NPSR1: variants seen among roughly 807,000 people sequenced by gnomAD.
The protein encoded by NPSR1 is neuropeptide S receptor 1, also known as neuropeptide S receptor.
In NPSR1, 48 loss-of-function variants were observed where a neutral mutation model predicts 46.9. The ratio of observed to expected loss-of-function variants is 1.02; its 90% confidence interval spans 0.81 to 1.30. NPSR1 has a LOEUF of 1.30. Among genes scored for constraint, NPSR1 ranks in the 50% most tolerant of loss-of-function variants. The pLI is 0.00. For missense variants in NPSR1, 450 were observed against 449.5 expected, an observed-to-expected ratio of 1.00 and a Z score of -0.01; for synonymous variants, 176 against 168.1, an observed-to-expected ratio of 1.05 and a Z score of -0.36.
chr7:34,706,700 A>G (rs1038796492), intron 2 of NPSR1, among the ~76,000 whole-genome samples: 1 of 152,134 alleles, frequency 6.6e-6, no homozygotes, highest in African/African-American at 2.4e-5. Context: ...CCCAAAATGT[A>G]AAAAGAATGC....
intron 2 of NPSR1, among the ~76,000 whole-genome samples, chr7:34,725,130 C>G (rs376244172): frequency 6.6e-6 from 1 of 151,400 alleles, no homozygotes; most frequent in African/African-American, 2.4e-5. Context: ...CACACAGACA[C>G]ACACACACAC....
chr7:34,695,660 C>T (rs1300083210), intron 2 of NPSR1, among the ~76,000 whole-genome samples: 1 of 152,044 alleles, frequency 6.6e-6, no homozygotes, highest in Non-Finnish European at 1.5e-5. Context: ...ACAGACATTT[C>T]TCAAAATTAG....
At chr7:34,792,698 T>C (rs1464423509) in intron 3 of NPSR1, among the ~76,000 whole-genome samples, 1 of 114,706 alleles carries the variant, frequency 8.7e-6, no homozygotes, top group East Asian at 2.5e-4. Flanking sequence ...TGTATATATA[T>C]ACGTATATAT....
At chr7:34,850,366 G>T (rs935226386), downstream of NPSR1, among the ~76,000 whole-genome samples, 1 of 150,952 alleles carries the variant, frequency 6.6e-6, no homozygotes, top group African/African-American at 2.4e-5. Flanking sequence ...GCCTCTGAGA[G>T]CTGGTCCCTA....
At chr7:34,689,491 G>C (rs748178692) in intron 2 of NPSR1, among the ~76,000 whole-genome samples, 1 of 150,650 alleles carries the variant, frequency 6.6e-6, no homozygotes, top group Non-Finnish European at 1.5e-5. Context: ...TGTAGTCACA[G>C]CTACTCGGGA....
intron 3 of NPSR1, among the ~76,000 whole-genome samples, chr7:34,808,040 C>T (rs961844981): frequency 6.6e-6 from 1 of 152,102 alleles, no homozygotes; most frequent in Non-Finnish European, 1.5e-5. Flanking sequence ...GTGATTCCCA[C>T]ATGTAATCAT....
intron 4 of NPSR1, among the ~76,000 whole-genome samples, chr7:34,821,127 CTTT>C (rs35086136): frequency 1.5e-4 from 14 of 94,892 alleles, no homozygotes; most frequent in South Asian, 7.6e-4. Context: ...TTGTGATACA[CTTT>C]TTTTTTTTTT....
intron 8 of NPSR1, among the ~76,000 whole-genome samples, chr7:34,866,657 C>G (rs1791322779): frequency 6.6e-6 from 1 of 151,612 alleles, no homozygotes; most frequent in Admixed American, 6.6e-5. Context: ...TTCTCCTCTT[C>G]CTACCTAAAA....
intron 3 of NPSR1, among the ~76,000 whole-genome samples, chr7:34,790,366 G>A (rs116462652): frequency 0.01 from 1,573 of 152,038 alleles, 22 homozygotes; most frequent in African/African-American, 0.035. Flanking sequence ...CAGAAGAGAA[G>A]TGCTTCAACA....
chr7:34,821,260 G>A (rs1189436549), intron 4 of NPSR1, among the ~76,000 whole-genome samples: 3 of 150,642 alleles, frequency 2.0e-5, no homozygotes, highest in African/African-American at 7.3e-5. Flanking sequence ...TCAGCCTCCC[G>A]AGTAGCTGGG....
At chr7:34,677,533 A>G (rs1792380463) in intron 1 of NPSR1, among the ~76,000 whole-genome samples, 1 of 152,200 alleles carries the variant, frequency 6.6e-6, no homozygotes. Flanking sequence ...TTCAGTTGAA[A>G]AGGCTTCCAT....
At chr7:34,872,252 A>G (rs1791474323) in intron 8 of NPSR1, among the ~76,000 whole-genome samples, 1 of 151,984 alleles carries the variant, frequency 6.6e-6, no homozygotes, top group African/African-American at 2.4e-5. Flanking sequence ...GCCTGAAGCC[A>G]GAGTGGCCAG....
At chr7:34,788,624 A>T (rs935290376) in intron 3 of NPSR1, among the ~76,000 whole-genome samples, 2 of 152,074 alleles carry the variant, frequency 1.3e-5, no homozygotes, top group African/African-American at 4.8e-5. Context: ...AACAGTTATA[A>T]ATATATATGG....
At chr7:34,834,641 C>T (rs1435349279) in intron 6 of NPSR1, among the ~76,000 whole-genome samples, 181 bp downstream of exon 6, 1 of 152,186 alleles carries the variant, frequency 6.6e-6, no homozygotes, top group Non-Finnish European at 1.5e-5. Flanking sequence ...CCCCATGTGA[C>T]CTCCCTGAAA....
chr7:34,709,932 G>A (rs1326500956), intron 2 of NPSR1, among the ~76,000 whole-genome samples: 6 of 152,168 alleles, frequency 3.9e-5, no homozygotes, highest in Middle Eastern at 3.4e-3. Context: ...GATGGCAAAC[G>A]TGAGATTATC....
intron 8 of NPSR1, among the ~76,000 whole-genome samples, chr7:34,874,399 G>T (rs1791530039): frequency 6.6e-6 from 1 of 152,094 alleles, no homozygotes; most frequent in Non-Finnish European, 1.5e-5. Context: ...GCTGCTACAA[G>T]GAATTCAAAG....
At chr7:34,847,107 C>T (rs1790764391) in intron 7 of NPSR1, among the ~76,000 whole-genome samples, 1 of 152,150 alleles carries the variant, frequency 6.6e-6, no homozygotes, top group South Asian at 2.1e-4. Context: ...TGAATTGCTC[C>T]TCTTTAATAC....
At chr7:34,839,146 A>G (rs977205180) in intron 6 of NPSR1, among the ~76,000 whole-genome samples, 2 of 152,240 alleles carry the variant, frequency 1.3e-5, no homozygotes, top group Non-Finnish European at 2.9e-5. Flanking sequence ...GCTTCTCTAC[A>G]ATTAACTACA....
At chr7:34,868,362 C>A (rs1791368459) in intron 8 of NPSR1, among the ~76,000 whole-genome samples, 1 of 151,630 alleles carries the variant, frequency 6.6e-6, no homozygotes, top group African/African-American at 2.4e-5. Context: ...CTTAGCCTGA[C>A]CTAAGTAACT....
Sources: allele counts gnomAD v4.1 joint callset (sites outside exome capture counted in the v4.1 genomes callset), GRCh38; gene constraint gnomAD v4.1.1; transcripts MANE v1.5; gene names NCBI Gene and HGNC (gene_info 2026-07-23, HGNC 2026-07-21).